Variants in ATP11C observed in about 807,000 individuals in gnomAD.
ATP11C encodes the protein ATPase phospholipid transporting 11C (ATP11C blood group), also known as phospholipid-transporting ATPase IG.
In ATP11C, 36 loss-of-function variants were observed where a neutral mutation model predicts 97.4. The ratio of observed to expected loss-of-function variants is 0.37; its 90% CI spans 0.28 to 0.49. The LOEUF is 0.49. Among genes scored for constraint, ATP11C ranks in the 20% least tolerant of loss-of-function variants. The pLI is 0.98. For missense variants in ATP11C, 730 were observed against 824.6 expected (o/e 0.89, Z 1.40); for synonymous variants, 275 against 290.9 (o/e 0.95, Z 0.56).
intron 1 of ATP11C, among the ~76,000 whole-genome samples, chrX:139,861,800 ACC>A (rs1556389808): frequency 9.4e-6 from 1 of 106,469 alleles, no homozygotes; most frequent in Non-Finnish European, 1.9e-5. Context: ...ACACACACAC[ACC>A]CTCTTCATCC....
intron 19 of ATP11C, among the ~76,000 whole-genome samples, chrX:139,773,586 T>C (rs112306438): frequency 2.4e-4 from 27 of 112,622 alleles, no homozygotes; most frequent in African/African-American, 8.7e-4. Flanking sequence ...GCACATACTT[T>C]GGACTATCTT....
intron 1 of ATP11C, among the ~76,000 whole-genome samples, chrX:139,923,957 AT>A (rs1001191676): frequency 1.5e-4 from 16 of 109,885 alleles, no homozygotes; most frequent in East Asian, 2.8e-4. Flanking sequence ...ATTGCTCAGA[AT>A]TTTTTTTTTC....
At chrX:139,899,904 GTAGTTT>G (rs768809301) in intron 1 of ATP11C, among the ~76,000 whole-genome samples, 2 of 111,392 alleles carry the variant, frequency 1.8e-5, no homozygotes, top group Non-Finnish European at 3.8e-5. Flanking sequence ...TCAGATGGAA[GTAGTTT>G]TGTCAAAATA....
At chrX:139,914,432 A>G (rs1275113170) in intron 1 of ATP11C, among the ~76,000 whole-genome samples, 1 of 112,456 alleles carries the variant, frequency 8.9e-6, no homozygotes, top group Non-Finnish European at 1.9e-5. Flanking sequence ...TTGTTCATTC[A>G]TCTTCACATG....
chrX:139,817,224 G>A (rs866701105), intron 3 of ATP11C, among the ~76,000 whole-genome samples: 2 of 112,182 alleles, frequency 1.8e-5, no homozygotes, highest in Non-Finnish European at 3.8e-5. Context: ...TTCTGTCAGC[G>A]CTTGTGCTAT....
At chrX:139,748,013 C>T (rs1480659296) in intron 24 of ATP11C, among the ~76,000 whole-genome samples, 1 of 111,909 alleles carries the variant, frequency 8.9e-6, no homozygotes, top group African/African-American at 3.2e-5. Flanking sequence ...TCACTAAAAC[C>T]TTATGGAAAC....
At chrX:139,784,588 A>C (rs2082534513) in intron 16 of ATP11C, among the ~76,000 whole-genome samples, 1 of 111,744 alleles carries the variant, frequency 8.9e-6, no homozygotes, top group Non-Finnish European at 1.9e-5. Flanking sequence ...TGGGTCTTGC[A>C]GAATCTGAGC....
intron 12 of ATP11C, 95 bp downstream of exon 12, chrX:139,796,178 A>C: frequency 1.5e-6 from 1 of 647,452 alleles, no homozygotes; most frequent in Non-Finnish European, 2.2e-6. Flanking sequence ...CACTTTTCCA[A>C]ATGTGACATG....
At chrX:139,796,980 T>C (rs1272916013) in intron 11 of ATP11C, among the ~76,000 whole-genome samples, 196 bp downstream of exon 11, 1 of 111,187 alleles carries the variant, frequency 9.0e-6, no homozygotes, top group Non-Finnish European at 1.9e-5. Flanking sequence ...AAAAGTTTTT[T>C]TTACAAAAAA....
intron 1 of ATP11C, among the ~76,000 whole-genome samples, chrX:139,915,902 C>T (rs1297597233): frequency 9.0e-6 from 1 of 110,945 alleles, no homozygotes; most frequent in Admixed American, 9.6e-5. Context: ...TAACTAAAAT[C>T]ATAATTTAAA....
intron 13 of ATP11C, 121 bp from the exon 14 acceptor site, chrX:139,788,464 C>T (rs188608142): frequency 8.0e-6 from 5 of 623,127 alleles, no homozygotes; most frequent in African/African-American, 2.3e-5. Context: ...AACTTAGTAG[C>T]AGATACGTAT....
Position 139,796,265 on chromosome X carries a change from G to A in ATP11C, c.1206+8C>T, listed in dbSNP as rs766580331. ...GACAAATTATTTTAAGTAAAACAAT[G>A]CTCTAACCTGACCAAGTTCTTCATT... On this transcript the variant is annotated splice_region_variant and intron_variant, in intron 12 of 29. Transcript: ENST00000682941. 8.6e-6 allele frequency: 10 copies of A among 1,163,502 alleles called. No individual in the cohort carries two copies. The South Asian group carries it at 2.0e-4, about 23-fold the overall frequency.
chrX:139,743,641 A>T lies in ATP11C; in HGVS notation c.2965-17T>A. On this transcript the variant is annotated splice_polypyrimidine_tract_variant and intron_variant, in intron 25 of 29. Transcript: ENST00000682941. ...TCCGTATACCTGAAAAACATTTAAT[A>T]ATTACATGTACCATGTATATACAAG... The T allele has an allele frequency of 9.8e-7, 1 of 1,023,674 alleles. No individual in the cohort carries two copies. Among genetic ancestry groups the T allele is most frequent in the Non-Finnish European group, 1.3e-6 (1 of 740,970 alleles). 84.4% of individuals were successfully genotyped at this position (1,023,674 alleles called of 1,213,427 possible). A position where few individuals can be genotyped will look rare whatever the true frequency, so the allele number is the denominator to read the frequency against.
chrX:139,857,496 C>G (rs1603403118), intron 1 of ATP11C, among the ~76,000 whole-genome samples: 2 of 111,797 alleles, frequency 1.8e-5, no homozygotes, highest in Admixed American at 1.9e-4. Flanking sequence ...ATTCCGATCA[C>G]CTGCTCCACT....
At chrX:139,740,896 T>A in intron 27 of ATP11C, 95 bp downstream of exon 27, 1 of 508,256 alleles carries the variant, frequency 2.0e-6, no homozygotes. Context: ...ATAATTAAAA[T>A]TTTTAAAGTA....
intron 1 of ATP11C, among the ~76,000 whole-genome samples, chrX:139,879,305 G>A (rs2084525794): frequency 9.2e-6 from 1 of 108,749 alleles, no homozygotes; most frequent in South Asian, 4.0e-4. Flanking sequence ...AAGAAAATGT[G>A]GTATATATTA....
intron 18 of ATP11C, among the ~76,000 whole-genome samples, chrX:139,779,703 C>G (rs1397791651): frequency 9.0e-6 from 1 of 111,131 alleles, no homozygotes; most frequent in Admixed American, 9.6e-5. Context: ...CAAACCAGAC[C>G]CAAAGCTAAC....
intron 28 of ATP11C, among the ~76,000 whole-genome samples, chrX:139,733,768 T>C (rs2081392047): frequency 8.9e-6 from 1 of 111,935 alleles, no homozygotes; most frequent in African/African-American, 3.2e-5. Context: ...ACTGCAACTG[T>C]AAGCACGTTT....
chrX:139,783,051 C>T (rs921226955), intron 17 of ATP11C, 113 bp downstream of exon 17: 2 of 560,313 alleles, frequency 3.6e-6, no homozygotes, highest in East Asian at 3.6e-5. Flanking sequence ...ACATAGACCA[C>T]AAAAATAAGC....
Sources: allele counts gnomAD v4.1 joint callset (sites outside exome capture counted in the v4.1 genomes callset), GRCh38; gene constraint gnomAD v4.1.1; transcripts MANE v1.5; gene names NCBI Gene and HGNC (gene_info 2026-07-23, HGNC 2026-07-21).